ADGRB3: variants seen among roughly 807,000 people sequenced by gnomAD.
ADGRB3 encodes adhesion G protein-coupled receptor B3, also known as brain-specific angiogenesis inhibitor 3.
Under a neutral mutation model 193.4 loss-of-function variants are expected in ADGRB3, and 37 were observed. The observed-to-expected ratio is 0.19, with a 90% CI of 0.15 to 0.25. The LOEUF (loss-of-function observed/expected upper bound fraction) is 0.25. Among genes scored for constraint, ADGRB3 ranks in the 10% least tolerant of loss-of-function variants. The pLI is 1.00. For synonymous variants in ADGRB3, 690 were observed against 644.2 expected (o/e 1.07, Z -1.08); for missense variants, 1,637 against 1,852.9 (o/e 0.88, Z 2.14).
chr6:68,856,090 T>G (rs540955), intron 3 of ADGRB3, among the ~76,000 whole-genome samples: 121 of 152,150 alleles, frequency 8.0e-4, no homozygotes, highest in African/African-American at 2.5e-3. Flanking sequence ...TCCACATAAG[T>G]TGAGACTTGC....
At chr6:68,768,235 C>T (rs964274670) in intron 3 of ADGRB3, among the ~76,000 whole-genome samples, 5 of 152,212 alleles carry the variant, frequency 3.3e-5, no homozygotes, top group Middle Eastern at 3.4e-3. Context: ...ATAGCCAAGA[C>T]AATCCTAGAC....
chr6:68,899,389 C>T (rs965477015), intron 3 of ADGRB3, among the ~76,000 whole-genome samples: 1 of 151,342 alleles, frequency 6.6e-6, no homozygotes, highest in Non-Finnish European at 1.5e-5. Flanking sequence ...GCACTGCACC[C>T]ACTAACTCAT....
At chr6:69,136,721 A>C (rs1774160619) in intron 17 of ADGRB3, among the ~76,000 whole-genome samples, 1 of 151,618 alleles carries the variant, frequency 6.6e-6, no homozygotes, top group Non-Finnish European at 1.5e-5. Context: ...CTTTGCTTTG[A>C]AACTTCTTTA....
intron 19 of ADGRB3, 132 bp downstream of exon 19, chr6:69,235,267 A>G (rs2127258323): frequency 1.4e-6 from 1 of 711,002 alleles, no homozygotes; most frequent in Non-Finnish European, 2.3e-6. Flanking sequence ...CAGAGTTATA[A>G]TTGGTGTGAT....
chr6:68,952,901 A>G (rs892808666), intron 6 of ADGRB3, among the ~76,000 whole-genome samples: 4 of 152,190 alleles, frequency 2.6e-5, no homozygotes, highest in African/African-American at 9.6e-5. Flanking sequence ...CTTTAACATT[A>G]ACACAGAATA....
chr6:68,761,192 A>G (rs987153094), intron 3 of ADGRB3, among the ~76,000 whole-genome samples: 1 of 152,190 alleles, frequency 6.6e-6, no homozygotes, highest in Non-Finnish European at 1.5e-5. Context: ...TTAAGGCAGG[A>G]ACTCCCCACC....
Position 69,092,766 on chromosome 6 carries a change from C to T in ADGRB3, c.2480+16728C>T, listed in dbSNP as rs547449346. Among the ~76,000 whole-genome samples, 58 of 152,180 alleles carry T rather than the reference C, an allele frequency of 3.8e-4. No individual in the cohort carries two copies. In the South Asian group the frequency reaches 0.011, roughly 29 times the overall value. ...GGAGGTCACTCACAAGAAATGATAC[C>T]TGAATTGGTTTGTGAAGACATTGGA... On this transcript the variant is annotated intron_variant, in intron 17 of 31. Coordinates refer to ENST00000370598, the MANE Select transcript of ADGRB3 (RefSeq NM_001704.3).
intron 3 of ADGRB3, among the ~76,000 whole-genome samples, chr6:68,791,193 A>T (rs746916162): frequency 1.4e-4 from 21 of 152,308 alleles, no homozygotes; most frequent in Non-Finnish European, 2.9e-4. Context: ...TTTTATTCAG[A>T]AAAAAATGTT....
Position 68,982,486 on chromosome 6 carries a change from T to G in ADGRB3, c.1734+7146T>G, listed in dbSNP as rs528000331. 1.6e-4 allele frequency among the ~76,000 whole-genome samples: 25 copies of G among 152,286 alleles called. No individual in the cohort carries two copies. In the South Asian group the frequency reaches 5.2e-3, roughly 32 times the overall value. On this transcript the variant is annotated intron_variant, in intron 10 of 31. Transcript: ENST00000370598. Reference sequence around the variant, plus strand: ...GCCTATATGTGCCCATCCTGTCAGCTCTGAGAGACAGAGGGAGATTCAGCT... The same window carrying G: ...GCCTATATGTGCCCATCCTGTCAGCGCTGAGAGACAGAGGGAGATTCAGCT...
chr6:69,233,398 T>C lies in ADGRB3; in HGVS notation c.2589T>C (p.Ala863=), dbSNP rs774602609. ...GTCTCTCTACCTTCGCCATTTTGGCTCAGCAACCTAGAGAAATAGTAAGTA... is the reference window on the plus strand; with the variant it reads ...GTCTCTCTACCTTCGCCATTTTGGCCCAGCAACCTAGAGAAATAGTAAGTA... ...CDRLSTFAIL[A]QQPREIIMES... The change falls in exon 18 of 32, where the codon GCT becomes GCC. Residue 863 remains alanine (A), a synonymous_variant. Coordinates refer to ENST00000370598, the MANE Select transcript of ADGRB3 (RefSeq NM_001704.3). 9.9e-6 allele frequency: 16 copies of C among 1,613,980 alleles called. No homozygotes were observed. Among genetic ancestry groups the C allele is most frequent in the Admixed American group, 8.3e-5 (5 of 59,998 alleles).
At chr6:68,847,728 G>A (rs1028283271) in intron 3 of ADGRB3, among the ~76,000 whole-genome samples, 7 of 152,042 alleles carry the variant, frequency 4.6e-5, no homozygotes, top group Admixed American at 3.3e-4. Context: ...GCATAAAAAC[G>A]GACTAATACA....
intron 20 of ADGRB3, among the ~76,000 whole-genome samples, chr6:69,319,634 A>T (rs546571386): frequency 2.0e-5 from 3 of 151,300 alleles, no homozygotes; most frequent in Non-Finnish European, 3.0e-5. Context: ...TTTTATAAAG[A>T]TGTGTTCCTT....
rs542174895 is a variant in ADGRB3, at chr6:69,100,510, T to C, written c.2480+24472T>C. Among the ~76,000 whole-genome samples the C allele has an allele frequency of 4.5e-3, 691 of 152,164 alleles. 2 individuals are homozygous for C. Among genetic ancestry groups the C allele is most frequent in the Non-Finnish European group, 6.7e-3 (454 of 67,994 alleles). On this transcript the variant is annotated intron_variant, in intron 17 of 31. Coordinates refer to ENST00000370598, the MANE Select transcript of ADGRB3 (RefSeq NM_001704.3). ...GTTCTCCCATTTTGTAATTAGTAACTGGAAAATTTTTACTCAAATGTAACA... is the reference window on the plus strand; with the variant it reads ...GTTCTCCCATTTTGTAATTAGTAACCGGAAAATTTTTACTCAAATGTAACA...
intron 3 of ADGRB3, among the ~76,000 whole-genome samples, chr6:68,711,402 G>T (rs1021077312): frequency 6.6e-6 from 1 of 151,926 alleles, no homozygotes; most frequent in African/African-American, 2.4e-5. Flanking sequence ...CAGAATTTAC[G>T]AACTTAGCAA....
At chr6:68,657,599 G>T (rs1768521598) in intron 3 of ADGRB3, among the ~76,000 whole-genome samples, 1 of 151,278 alleles carries the variant, frequency 6.6e-6, no homozygotes, top group African/African-American at 2.4e-5. Flanking sequence ...GTTCTGATGG[G>T]ATTACTCAGC....
At chr6:69,230,898 A>G (rs960711396) in intron 17 of ADGRB3, among the ~76,000 whole-genome samples, 41 of 152,182 alleles carry the variant, frequency 2.7e-4, no homozygotes, top group African/African-American at 9.2e-4. Context: ...CTCAGATGCT[A>G]TTGTATGTTA....
At chr6:69,226,953 T>G (rs543132951) in intron 17 of ADGRB3, among the ~76,000 whole-genome samples, 61 of 152,336 alleles carry the variant, frequency 4.0e-4, no homozygotes, top group African/African-American at 1.4e-3. Flanking sequence ...CTTCTTTTGA[T>G]CAATTCAAGT....
At chr6:68,985,950 C>G (rs1250378868) in intron 10 of ADGRB3, among the ~76,000 whole-genome samples, 3 of 152,120 alleles carry the variant, frequency 2.0e-5, no homozygotes, top group African/African-American at 7.2e-5. Context: ...AGAGCATGCT[C>G]TAGTTCCATC....
chr6:68,943,078 T>G (rs1196980572), intron 5 of ADGRB3, among the ~76,000 whole-genome samples: 1 of 152,186 alleles, frequency 6.6e-6, no homozygotes, highest in Non-Finnish European at 1.5e-5. Flanking sequence ...ATTATTTTCT[T>G]TAGAAATTTA....
Sources: gnomAD v4.1 joint callset for allele counts (sites outside exome capture counted in the v4.1 genomes callset) on GRCh38, gnomAD v4.1.1 for gene constraint, MANE v1.5 for transcripts, NCBI Gene and HGNC (gene_info 2026-07-23, HGNC 2026-07-21) for gene names.